CDC14B: variants seen among roughly 807,000 people sequenced by gnomAD.
CDC14B encodes cell division cycle 14B.
A neutral mutation model predicts 64.2 loss-of-function variants in CDC14B; 22 were observed. The ratio of observed to expected loss-of-function variants is 0.34; its 90% CI spans 0.24 to 0.49. CDC14B has a LOEUF of 0.49. CDC14B is among the 20% of genes least tolerant of loss of function. The probability of loss-of-function intolerance (pLI) is 0.99; values close to 1 mark genes in which losing one functional copy is unlikely to be tolerated. For missense variants in CDC14B, 498 were observed against 629.9 expected, an observed-to-expected ratio of 0.79 and a Z score of 2.24; for synonymous variants, 191 against 215.8, an observed-to-expected ratio of 0.89 and a Z score of 1.01.
intron 1 of CDC14B, among the ~76,000 whole-genome samples, chr9:96,615,566 C>T (rs1300354218): frequency 2.0e-5 from 3 of 152,174 alleles, no homozygotes; most frequent in South Asian, 2.1e-4. Flanking sequence ...TTTTTACAAA[C>T]CTACTCCACT....
chr9:96,583,398 T>C (rs1046353158), intron 1 of CDC14B, among the ~76,000 whole-genome samples: 2 of 145,778 alleles, frequency 1.4e-5, no homozygotes, highest in Admixed American at 1.4e-4. Context: ...ATTATTATTA[T>C]TATTATTATT....
intron 1 of CDC14B, among the ~76,000 whole-genome samples, chr9:96,595,216 G>C (rs927359454): frequency 2.0e-5 from 3 of 152,138 alleles, no homozygotes; most frequent in African/African-American, 7.2e-5. Context: ...AATCATAAAA[G>C]CAAGACCTGA....
At chr9:96,494,929 G>C (rs1023354379) in intron 13 of CDC14B, among the ~76,000 whole-genome samples, 3 of 151,242 alleles carry the variant, frequency 2.0e-5, no homozygotes, top group Non-Finnish European at 4.4e-5. Context: ...CTGTCTCCCG[G>C]GTTCATGCCA....
chr9:96,602,773 T>C lies in CDC14B; in HGVS notation c.160+16446A>G, dbSNP rs532354449. 7.2e-5 allele frequency among the ~76,000 whole-genome samples: 11 copies of C among 152,288 alleles called. No homozygotes were observed. The South Asian group carries it at 2.1e-3, about 29-fold the overall frequency. On this transcript the variant is annotated intron_variant, in intron 1 of 13. Transcript: ENST00000375241. Reference sequence around the variant, plus strand: ...ACACAACCAAGTCTAACCTAACTAATGGAATTAGCTATTCTTTGCTATTAG... The same window carrying C: ...ACACAACCAAGTCTAACCTAACTAACGGAATTAGCTATTCTTTGCTATTAG...
intron 9 of CDC14B, among the ~76,000 whole-genome samples, chr9:96,529,971 A>C (rs1838187003): frequency 6.6e-6 from 1 of 152,146 alleles, no homozygotes. Context: ...CCCTTCGGGC[A>C]ATACTGACAT....
chr9:96,546,887 C>T (rs189939086), intron 5 of CDC14B, among the ~76,000 whole-genome samples: 6,822 of 151,714 alleles, frequency 0.045, 221 homozygotes, highest in Non-Finnish European at 0.067. Context: ...ACAGTGAAAC[C>T]CCGTCTCTAC....
intron 9 of CDC14B, among the ~76,000 whole-genome samples, chr9:96,528,699 T>C (rs1479707623): frequency 6.6e-6 from 1 of 152,216 alleles, no homozygotes; most frequent in African/African-American, 2.4e-5. Context: ...TGCATTGTTT[T>C]ATACTCCCAC....
intron 1 of CDC14B, among the ~76,000 whole-genome samples, chr9:96,616,633 A>G (rs1847645881): frequency 6.6e-6 from 1 of 151,954 alleles, no homozygotes; most frequent in Non-Finnish European, 1.5e-5. Context: ...CTGAGGCAGG[A>G]GAATCCCTTG....
intron 1 of CDC14B, among the ~76,000 whole-genome samples, chr9:96,568,941 T>C (rs1844315293): frequency 6.7e-6 from 1 of 150,174 alleles, no homozygotes; most frequent in African/African-American, 2.4e-5. Context: ...AAAAGAAAAC[T>C]GAAAACTAAA....
intron 5 of CDC14B, among the ~76,000 whole-genome samples, chr9:96,548,556 C>T: frequency 6.6e-6 from 1 of 152,098 alleles, no homozygotes; most frequent in Non-Finnish European, 1.5e-5. Flanking sequence ...GTGGCTCACC[C>T]CTGTAATCCC....
chr9:96,559,834 G>A (rs750781343), intron 4 of CDC14B, among the ~76,000 whole-genome samples: 2 of 152,142 alleles, frequency 1.3e-5, no homozygotes, highest in Non-Finnish European at 2.9e-5. Context: ...CTGAAGGTGT[G>A]AAATTCTGGA....
intron 1 of CDC14B, 36 bp downstream of exon 1, chr9:96,619,183 G>A (rs777461031): frequency 1.6e-6 from 2 of 1,233,142 alleles, no homozygotes; most frequent in Non-Finnish European, 2.0e-6. Context: ...GGGTGCGGCC[G>A]TCCGGGGCCC....
chr9:96,589,395 A>G (rs1227947701), intron 1 of CDC14B, among the ~76,000 whole-genome samples: 1 of 152,110 alleles, frequency 6.6e-6, no homozygotes, highest in Non-Finnish European at 1.5e-5. Context: ...AACTTGAATG[A>G]ATATGCAAGA....
chr9:96,584,952 G>T (rs1845375151), intron 1 of CDC14B, among the ~76,000 whole-genome samples: 1 of 152,146 alleles, frequency 6.6e-6, no homozygotes, highest in Admixed American at 6.5e-5. Flanking sequence ...CACCACGCCT[G>T]GCCAAGACTT....
At chr9:96,510,666 C>T (rs1032529264) in intron 12 of CDC14B, among the ~76,000 whole-genome samples, 10 of 149,556 alleles carry the variant, frequency 6.7e-5, no homozygotes, top group Non-Finnish European at 1.5e-4. Context: ...AGTGCAGTGG[C>T]GTGATCTCGA....
chr9:96,566,697 C>A, intron 1 of CDC14B: 1 of 1,475,058 alleles, frequency 6.8e-7, no homozygotes, highest in Non-Finnish European at 9.3e-7. Context: ...CACCTCCAAG[C>A]CAGCACTGCC....
Position 96,503,113 on chromosome 9 carries a change from T to A in CDC14B, c.*640A>T. On this transcript the variant is annotated 3_prime_UTR_variant, in exon 14 of 14. Transcript: ENST00000375241. ...TAATATTCTCTTGCAAGTTTTAGGT[T>A]ACTAAGGTACCACCTGGTCTTACAA... 2 of 376,942 alleles carry A rather than the reference T, an allele frequency of 5.3e-6. No individual in the cohort carries two copies. The highest frequency in any genetic ancestry group is 7.5e-5 in the East Asian group (2 of 26,594). 23.3% of individuals were successfully genotyped at this position (376,942 alleles called of 1,614,324 possible).
chr9:96,503,886 C>T (rs878926528), intron 13 of CDC14B, 97 bp from the exon 14 acceptor site: 1 of 938,646 alleles, frequency 1.1e-6, no homozygotes, highest in Non-Finnish European at 1.7e-6. Flanking sequence ...AAAATACTGA[C>T]ATGCTAAAAA....
rs764209581 is a variant in CDC14B at position 96,522,520 on chromosome 9, G to A, written c.1329C>T (p.Asn443=). ...ALKSRRQSKT[N]AIPLTVILQS... is the part of the protein sequence containing the mutation. ...CCCAGACTCACGTGAGAGGAATAGC[G>A]TTTGTTTTGGATTGTCTTCTGCTTT... Residue 443 remains asparagine (N), a synonymous_variant, in exon 12 of 14, where the codon AAC becomes AAT. Transcript: ENST00000375241. 15 of 1,610,486 alleles carry A rather than the reference G, an allele frequency of 9.3e-6. No homozygotes were observed. The highest frequency in any genetic ancestry group is 4.5e-5 in the East Asian group (2 of 44,848).
Sources: gnomAD v4.1 joint callset for allele counts (sites outside exome capture counted in the v4.1 genomes callset) on GRCh38, gnomAD v4.1.1 for gene constraint, MANE v1.5 for transcripts, NCBI Gene and HGNC (gene_info 2026-07-23, HGNC 2026-07-21) for gene names.